Variants in NRAP observed in about 807,000 individuals in gnomAD.
NRAP encodes the protein nebulin-related-anchoring protein.
Under a neutral mutation model 225.9 loss-of-function variants are expected in NRAP, and 189 were observed. That is an observed-to-expected ratio of 0.84 (90% CI 0.74 to 0.94). The LOEUF is 0.94. Ranked by LOEUF, NRAP falls within the 40% of genes least tolerant of loss-of-function variation. The pLI is 0.00. For missense variants in NRAP, 2,176 were observed against 2,168.7 expected, an observed-to-expected ratio of 1.00 and a Z score of -0.07; for synonymous variants, 769 against 790.7, an observed-to-expected ratio of 0.97 and a Z score of 0.46.
In NRAP at chr10:113,595,679, T is replaced by TC; in HGVS notation, c.4479dup (p.Ile1494AspfsTer19). The TC allele has an allele frequency of 6.2e-7, 1 of 1,613,990 alleles. No homozygotes were observed. Among genetic ancestry groups the TC allele is most frequent in the Non-Finnish European group, 8.5e-7 (1 of 1,179,890 alleles). ...CGGGTGAAATCGGGATGGTCGGGGA[T>TC]CAGGGTGTATCTGTGCAGGGATTCT... On this transcript the variant is annotated frameshift_variant, in exon 38 of 42. Transcript: ENST00000359988. LOFTEE classifies it high-confidence loss of function.
At chr10:113,613,842 T>C (rs1341925161) in intron 29 of NRAP, among the ~76,000 whole-genome samples, 1 of 152,118 alleles carries the variant, frequency 6.6e-6, no homozygotes, top group African/African-American at 2.4e-5. Context: ...ATTTTCCATT[T>C]TTAAAAATTT....
chr10:113,645,954 A>G lies in NRAP; in HGVS notation c.994-13T>C, dbSNP rs775806796. The G allele has an allele frequency of 1.9e-5, 26 of 1,394,524 alleles. No individual in the cohort carries two copies. Among genetic ancestry groups the G allele is most frequent in the Non-Finnish European group, 2.6e-5 (26 of 1,003,302 alleles). 86.4% of individuals were successfully genotyped at this position (1,394,524 alleles called of 1,614,324 possible). On this transcript the variant is annotated splice_polypyrimidine_tract_variant and intron_variant, in intron 10 of 41. Coordinates refer to ENST00000359988, the MANE Select transcript of NRAP (RefSeq NM_198060.4). ...GCCTGTATTTTATCTGAAAAAAAAA[A>G]CACAAAACGGGGCTGGAGTTGATGT... is the stretch of plus-strand genomic sequence containing the variant.
At chr10:113,606,869 C>T in intron 32 of NRAP, among the ~76,000 whole-genome samples, 1 of 151,962 alleles carries the variant, frequency 6.6e-6, no homozygotes, top group Non-Finnish European at 1.5e-5. Context: ...AGTTCGAGAC[C>T]AGCCTGGCCA....
Position 113,606,295 on chromosome 10 carries a change from A to T in NRAP, c.3703-13T>A. The T allele has an allele frequency of 3.4e-6, 5 of 1,461,518 alleles. No homozygotes were observed. Among genetic ancestry groups the T allele is most frequent in the South Asian group, 1.1e-5 (1 of 87,938 alleles). 90.5% of individuals were successfully genotyped at this position (1,461,518 alleles called of 1,614,324 possible). On this transcript the variant is annotated splice_polypyrimidine_tract_variant and intron_variant, in intron 32 of 41. Coordinates refer to ENST00000359988, the MANE Select transcript of NRAP (RefSeq NM_198060.4). The stretch of plus-strand genomic sequence containing the variant: ...CTTTATAGAGGCGCTAGGCCAAAAA[A>T]ATATAATAATAATAATGCAAGAGAT...
At chr10:113,619,721 C>A (rs900525934) in intron 25 of NRAP, among the ~76,000 whole-genome samples, 1 of 151,886 alleles carries the variant, frequency 6.6e-6, no homozygotes, top group African/African-American at 2.4e-5. Flanking sequence ...CCAGAAAGAC[C>A]AGGCCTACTC....
At position 113,648,012 on chromosome 10, in the gene NRAP, C is replaced by T. The variant is rs528896773; in HGVS notation, c.889-985G>A. Among the ~76,000 whole-genome samples, 167 of 152,304 alleles carry T rather than the reference C, an allele frequency of 1.1e-3. 1 individual carries two copies. The highest frequency in any genetic ancestry group is 3.9e-3 in the African/African-American group (162 of 41,568). The stretch of plus-strand genomic sequence containing the variant: ...TTAGGGACAGTCTCCTCGTGGAAGT[C>T]CCTGAGTCCTCCTTCACCCCTGGAC... On this transcript the variant is annotated intron_variant, in intron 9 of 41. Coordinates refer to ENST00000359988, the MANE Select transcript of NRAP (RefSeq NM_198060.4).
At chr10:113,637,937 A>G (rs948060632) in intron 14 of NRAP, among the ~76,000 whole-genome samples, 11 of 145,030 alleles carry the variant, frequency 7.6e-5, no homozygotes, top group Admixed American at 6.9e-5. Context: ...AAAAAAAAAA[A>G]TCATTTTGTG....
At chr10:113,594,994 C>G (rs946632887) in intron 38 of NRAP, among the ~76,000 whole-genome samples, 1 of 152,260 alleles carries the variant, frequency 6.6e-6, no homozygotes, top group South Asian at 2.1e-4. Context: ...AGGATCACAG[C>G]TTTGCTGGCC....
intron 3 of NRAP, among the ~76,000 whole-genome samples, chr10:113,658,282 T>C (rs1482006726): frequency 6.6e-6 from 1 of 152,154 alleles, no homozygotes; most frequent in African/African-American, 2.4e-5. Flanking sequence ...AGTCTTGAAA[T>C]CTGGTGAGTC....
chr10:113,616,939 G>C lies in NRAP; in HGVS notation c.2973+516C>G, dbSNP rs7085283. Among the ~76,000 whole-genome samples the C allele has an allele frequency of 2.6e-3, 400 of 152,250 alleles. 1 individual carries two copies. The highest frequency in any genetic ancestry group is 9.3e-3 in the African/African-American group (386 of 41,528). On this transcript the variant is annotated intron_variant, in intron 26 of 41. Transcript: ENST00000359988. ...GCCAACCTTTCCCACAGAGGGAAAA[G>C]GGTCAAATCTTGGTTTTGCATCATA...
In NRAP at chr10:113,613,666, G is replaced by T. The variant is rs111557445; in HGVS notation, c.3300+517C>A. Among the ~76,000 whole-genome samples the T allele has an allele frequency of 2.7e-3, 417 of 152,186 alleles. 2 individuals carry two copies. The highest frequency in any genetic ancestry group is 4.5e-3 in the Non-Finnish European group (307 of 67,998). ...TCAGACGCCTACAGGGGCCAGGCAG[G>T]TAGCATAAAGAAGTAAAGCAGGAAG... On this transcript the variant is annotated intron_variant, in intron 29 of 41. Coordinates refer to ENST00000359988, the MANE Select transcript of NRAP (RefSeq NM_198060.4).
At chr10:113,607,788 C>G (rs1847086178) in intron 32 of NRAP, among the ~76,000 whole-genome samples, 1 of 152,096 alleles carries the variant, frequency 6.6e-6, no homozygotes, top group Non-Finnish European at 1.5e-5. Context: ...TATTTTGAAC[C>G]TGTAAGAGAG....
rs756886257 is a variant in NRAP at position 113,604,640 on chromosome 10, C to T, written c.4196G>A (p.Trp1399Ter). 1 of 1,614,026 alleles carries T rather than the reference C, an allele frequency of 6.2e-7. No homozygotes were observed. Among genetic ancestry groups the T allele is most frequent in the South Asian group, 1.1e-5 (1 of 91,082 alleles). Residue 1399 changes from tryptophan to a stop codon, truncating the protein, a stop_gained, in exon 35 of 42, where the codon TGG (tryptophan) becomes TAG (stop). Coordinates refer to ENST00000359988, the MANE Select transcript of NRAP (RefSeq NM_198060.4). LOFTEE classifies it high-confidence loss of function. Reference sequence around the variant, plus strand: ...CTGCAGGGCATGGGCTTTCTTGGCCCAGGCCATCTTCAGGTCCTCGGGCAG... The same window carrying T: ...CTGCAGGGCATGGGCTTTCTTGGCCTAGGCCATCTTCAGGTCCTCGGGCAG... Reference protein sequence around the residue: ...TALPEDLKMAWAKKAHALQSE... With the variant: ...TALPEDLKMA
In NRAP at chr10:113,626,145, T is replaced by C. The variant is rs1207684438; in HGVS notation, c.2146A>G (p.Lys716Glu). 5.6e-6 allele frequency: 9 copies of C among 1,598,634 alleles called. No homozygotes were observed. The highest frequency in any genetic ancestry group is 7.7e-6 in the Non-Finnish European group (9 of 1,172,438). Reference protein sequence around the residue: ...AKKAGQLVSEKNYRQRVDELK... With the variant: ...AKKAGQLVSEENYRQRVDELK... ...TCATCGACCCTCTGCCGGTAGTTTTTCTGTTTCCAAAGGAAAGGGACCCCA... is the reference window on the plus strand; with the variant it reads ...TCATCGACCCTCTGCCGGTAGTTTTCCTGTTTCCAAAGGAAAGGGACCCCA... Residue 716 changes from lysine (K) to glutamate (E), a missense_variant and splice_region_variant, in exon 21 of 42, where the codon AAA becomes GAA. Physicochemically the swap from Lys to Glu is moderately conservative, Grantham distance 56. Transcript: ENST00000359988.
chr10:113,623,181 C>G (rs1266789099), intron 23 of NRAP, among the ~76,000 whole-genome samples: 4 of 152,226 alleles, frequency 2.6e-5, no homozygotes, highest in Non-Finnish European at 5.9e-5. Flanking sequence ...GTCTATCTAA[C>G]ACCAGAGCCT....
intron 9 of NRAP, among the ~76,000 whole-genome samples, chr10:113,647,538 C>T (rs2134135523): frequency 6.7e-6 from 1 of 150,196 alleles, no homozygotes; most frequent in Non-Finnish European, 1.5e-5. Flanking sequence ...GTACTGTCTC[C>T]CCCGGTGGTA....
intron 11 of NRAP, among the ~76,000 whole-genome samples, chr10:113,644,147 C>CAAAAAAAAAA (rs60015356): frequency 0.018 from 878 of 47,826 alleles, 93 homozygotes; most frequent in Non-Finnish European, 0.026. Context: ...AACTCCCTCT[C>CAAAAAAAAAA]AAAAAAAAAA....
intron 21 of NRAP, 31 bp downstream of exon 21, chr10:113,626,016 C>G (rs774143230): frequency 1.3e-6 from 2 of 1,512,712 alleles, no homozygotes; most frequent in South Asian, 2.4e-5. Flanking sequence ...GACACAGCAG[C>G]TTGGTGGAGA....
intron 12 of NRAP, among the ~76,000 whole-genome samples, chr10:113,642,292 G>T (rs1466235354): frequency 6.6e-6 from 1 of 152,070 alleles, no homozygotes; most frequent in African/African-American, 2.4e-5. Flanking sequence ...TAATAACTGG[G>T]ACATAAGGTA....
Sources: gnomAD v4.1 joint callset for allele counts (sites outside exome capture counted in the v4.1 genomes callset) on GRCh38, gnomAD v4.1.1 for gene constraint, MANE v1.5 for transcripts, NCBI Gene and HGNC (gene_info 2026-07-23, HGNC 2026-07-21) for gene names.